Variants in DMD observed in about 807,000 individuals in gnomAD.
DMD encodes the protein mutant dystrophin.
A neutral mutation model predicts 330.1 loss-of-function variants in DMD; 63 were observed. The observed-to-expected ratio is 0.19, with a 90% confidence interval of 0.16 to 0.24. DMD has a LOEUF of 0.24. Ranked by LOEUF, DMD falls within the 10% of genes least tolerant of loss-of-function variation. The pLI is 1.00. For synonymous variants in DMD, 1,223 were observed against 959.8 expected (o/e 1.27, Z -5.07); for missense variants, 3,344 against 2,684.1 (o/e 1.25, Z -5.43).
chrX:32,669,052 A>C (rs1258728279), intron 9 of DMD, among the ~76,000 whole-genome samples: 4 of 111,054 alleles, frequency 3.6e-5, no homozygotes, highest in Non-Finnish European at 7.5e-5. Context: ...AGAGTGTATC[A>C]TCAAAATTAG....
chrX:31,124,783 T>C (rs995637742), intron 78 of DMD, among the ~76,000 whole-genome samples: 4 of 112,081 alleles, frequency 3.6e-5, no homozygotes, highest in East Asian at 5.6e-4. Context: ...GCGATTGGAA[T>C]TGAGACTTTC....
At position 31,252,144 on chromosome X, in the gene DMD, G is replaced by A. The variant is rs769104898; in HGVS notation, c.9286+8811C>T. 5.3e-5 allele frequency among the ~76,000 whole-genome samples: 6 copies of A among 112,262 alleles called. No homozygotes were observed. The South Asian group carries it at 2.2e-3, about 41-fold the overall frequency. ...GTTACATTTCTATTTTACAAATGGG[G>A]AAAGTCAATGGATCCTAATCAAAGT... On this transcript the variant is annotated intron_variant, in intron 63 of 78. Transcript: ENST00000357033.
chrX:32,059,381 A>G (rs769131705), intron 44 of DMD, among the ~76,000 whole-genome samples: 4 of 111,744 alleles, frequency 3.6e-5, no homozygotes, highest in Admixed American at 1.9e-4. Context: ...TCAGACAGCT[A>G]ACATGGTATT....
At chrX:32,996,687 C>A (rs1028085650) in intron 2 of DMD, among the ~76,000 whole-genome samples, 23 of 110,653 alleles carry the variant, frequency 2.1e-4, no homozygotes, top group African/African-American at 6.9e-4. Context: ...CATGGTGGCA[C>A]ACACCTGTAG....
intron 7 of DMD, among the ~76,000 whole-genome samples, chrX:32,780,644 C>A (rs1387254259): frequency 9.0e-6 from 1 of 111,375 alleles, no homozygotes; most frequent in Non-Finnish European, 1.9e-5. Context: ...GGATACTGAC[C>A]ATTTCATTGC....
chrX:33,146,747 G>A (rs979047709), intron 1 of DMD, among the ~76,000 whole-genome samples: 1 of 111,957 alleles, frequency 8.9e-6, no homozygotes, highest in African/African-American at 3.2e-5. Flanking sequence ...CACAAAAATA[G>A]GCTTAGTCCT....
chrX:32,091,217 A>G (rs1361383649), intron 44 of DMD, among the ~76,000 whole-genome samples: 1 of 112,299 alleles, frequency 8.9e-6, no homozygotes. Flanking sequence ...GATTTTTTTC[A>G]GGACAACATC....
intron 64 of DMD, among the ~76,000 whole-genome samples, chrX:31,212,453 T>C (rs771516203): frequency 5.5e-5 from 6 of 108,508 alleles, no homozygotes; most frequent in Admixed American, 4.0e-4. Flanking sequence ...ACAGTGGCGG[T>C]TGGGGGGCGG....
intron 56 of DMD, among the ~76,000 whole-genome samples, chrX:31,506,852 T>C (rs908966225): frequency 1.8e-5 from 2 of 112,277 alleles, no homozygotes; most frequent in African/African-American, 3.2e-5. Context: ...TTTTATATTA[T>C]ATAATTGTAA....
rs1383701636 is a variant in DMD at position 32,887,770 on chromosome X, A to AAAAAAAAAAAAAAAAAAAC, written c.94-37951_94-37950insGTTTTTTTTTTTTTTTTTT. ...CAAAAAAAAAAAAAAAAAAAAAAAA[A>AAAAAAAAAAAAAAAAAAAC]AAAAAACATCAACTAAAAGCTTATG... On this transcript the variant is annotated intron_variant, in intron 2 of 78. Coordinates refer to ENST00000357033, the MANE Select transcript of DMD (RefSeq NM_004006.3). Among the ~76,000 whole-genome samples, 161 of 70,350 alleles carry AAAAAAAAAAAAAAAAAAAC rather than the reference A, an allele frequency of 2.3e-3. 19 individuals are homozygous for AAAAAAAAAAAAAAAAAAAC. Among genetic ancestry groups the AAAAAAAAAAAAAAAAAAAC allele is most frequent in the Non-Finnish European group, 3.3e-3 (113 of 34,631 alleles). The allele number at this position is 70,350 out of a possible 115,157, so 61.1% of individuals were successfully genotyped here. A position where few individuals can be genotyped will look rare whatever the true frequency, so the allele number is the denominator to read the frequency against.
chrX:32,206,491 G>GA, intron 44 of DMD: 1 of 569,022 alleles, frequency 1.8e-6, no homozygotes, highest in East Asian at 3.5e-5. Flanking sequence ...AATCGGAATG[G>GA]AAAAGACTCA....
intron 11 of DMD, among the ~76,000 whole-genome samples, chrX:32,623,124 T>C (rs755095466): frequency 1.7e-3 from 189 of 111,635 alleles, no homozygotes; most frequent in Non-Finnish European, 3.0e-3. Context: ...ATTACAGTAC[T>C]GATATGTGAA....
intron 44 of DMD, among the ~76,000 whole-genome samples, chrX:32,197,993 A>AT (rs2097014633): frequency 9.0e-6 from 1 of 111,646 alleles, no homozygotes; most frequent in Non-Finnish European, 1.9e-5. Flanking sequence ...GTATCCTTTG[A>AT]TTTTAAAAAA....
chrX:31,720,180 GT>G (rs1286976325), intron 52 of DMD, among the ~76,000 whole-genome samples: 1 of 111,891 alleles, frequency 8.9e-6, no homozygotes, highest in Non-Finnish European at 1.9e-5. Flanking sequence ...CTTTATAAAT[GT>G]TTTACTTAAG....
At chrX:32,848,387 T>C (rs771316903) in intron 3 of DMD, among the ~76,000 whole-genome samples, 10 of 111,890 alleles carry the variant, frequency 8.9e-5, no homozygotes, top group Non-Finnish European at 1.7e-4. Context: ...CACACAAATC[T>C]ATCTCTAACT....
intron 34 of DMD, among the ~76,000 whole-genome samples, chrX:32,366,977 G>T (rs2097856784): frequency 8.9e-6 from 1 of 112,078 alleles, no homozygotes; most frequent in Non-Finnish European, 1.9e-5. Flanking sequence ...TTGCACACAG[G>T]TGAGCTTAGC....
intron 44 of DMD, among the ~76,000 whole-genome samples, chrX:32,094,635 A>ATTCT (rs911623393): frequency 4.5e-5 from 5 of 112,158 alleles, no homozygotes; most frequent in African/African-American, 1.6e-4. Flanking sequence ...ATAGAAAAAC[A>ATTCT]TTCTATCACT....
chrX:32,909,600 G>A (rs890586277), intron 2 of DMD, among the ~76,000 whole-genome samples: 2 of 111,353 alleles, frequency 1.8e-5, no homozygotes, highest in African/African-American at 6.5e-5. Context: ...TCTTGCCATA[G>A]TACTCTGCAA....
intron 23 of DMD, among the ~76,000 whole-genome samples, chrX:32,467,502 T>C (rs2040153325): frequency 9.1e-6 from 1 of 110,322 alleles, no homozygotes; most frequent in South Asian, 3.8e-4. Flanking sequence ...AAATTCGATA[T>C]GGTGATAAAA....
Sources: allele counts gnomAD v4.1 joint callset (sites outside exome capture counted in the v4.1 genomes callset), GRCh38; gene constraint gnomAD v4.1.1; transcripts MANE v1.5; gene names NCBI Gene and HGNC (gene_info 2026-07-23, HGNC 2026-07-21).